Variants in KLHL1 observed in about 807,000 individuals in gnomAD.
KLHL1 encodes the protein kelch-like protein 1.
Under a neutral mutation model 77.7 loss-of-function variants are expected in KLHL1, and 47 were observed. The observed-to-expected ratio is 0.60, with a 90% CI of 0.48 to 0.77. The LOEUF (loss-of-function observed/expected upper bound fraction) is 0.77, where lower values mean the gene tolerates loss of function less well. Among genes scored for constraint, KLHL1 ranks in the 30% least tolerant of loss-of-function variants. KLHL1 has a pLI of 0.00. For synonymous variants in KLHL1, 360 were observed against 325.2 expected (o/e 1.11, Z -1.15); for missense variants, 925 against 910.8 (o/e 1.02, Z -0.20).
chr13:69,728,122 G>A (rs149104460), intron 8 of KLHL1, among the ~76,000 whole-genome samples: 177 of 151,338 alleles, frequency 1.2e-3, no homozygotes, highest in African/African-American at 4.0e-3. Context: ...TCAGTAAACA[G>A]CAATTTCTTT....
chr13:69,998,277 A>G (rs1885205634), intron 1 of KLHL1, among the ~76,000 whole-genome samples: 2 of 152,182 alleles, frequency 1.3e-5, no homozygotes, highest in South Asian at 4.1e-4. Context: ...AGTAGTAGAA[A>G]TATTAATGAC....
chr13:69,816,973 TAAATAAATAA>T (rs1442394379), intron 6 of KLHL1, among the ~76,000 whole-genome samples: 2 of 151,248 alleles, frequency 1.3e-5, no homozygotes, highest in Non-Finnish European at 3.0e-5. Flanking sequence ...AGTAAAAAAA[TAAATAAATAA>T]AAATAAATAT....
intron 5 of KLHL1, among the ~76,000 whole-genome samples, chr13:69,850,632 C>T (rs576036404): frequency 2.6e-5 from 4 of 151,810 alleles, no homozygotes; most frequent in African/African-American, 9.6e-5. Flanking sequence ...AGATCCATCA[C>T]TTAAATTCTT....
At chr13:69,855,323 GAT>G (rs1879849743) in intron 5 of KLHL1, among the ~76,000 whole-genome samples, 1 of 131,018 alleles carries the variant, frequency 7.6e-6, no homozygotes, top group African/African-American at 3.1e-5. Context: ...TAGATAGATA[GAT>G]AGATAGATAG....
chr13:70,059,283 C>G (rs1381531724), intron 1 of KLHL1, among the ~76,000 whole-genome samples: 1 of 151,978 alleles, frequency 6.6e-6, no homozygotes, highest in Non-Finnish European at 1.5e-5. Context: ...CTCAGACTCC[C>G]AAGTATCTAG....
At chr13:69,778,479 A>G (rs973238378) in intron 7 of KLHL1, among the ~76,000 whole-genome samples, 13 of 151,582 alleles carry the variant, frequency 8.6e-5, no homozygotes, top group African/African-American at 3.2e-4. Flanking sequence ...TCTTAACATC[A>G]TTGCCGAATA....
In KLHL1 at chr13:69,707,593, C is replaced by T. The variant is rs969681059; in HGVS notation, c.2187+32G>A. 2.5e-6 allele frequency: 4 copies of T among 1,579,834 alleles called. No homozygotes were observed. In the African/African-American group the frequency reaches 4.0e-5, roughly 16 times the overall value. ...AAAGTAAATGAAATAAATTCTTATC[C>T]TTGAAGTGAATTATGCTGATGACAA... On this transcript the variant is annotated intron_variant, in intron 10 of 10. Transcript: ENST00000377844.
intron 4 of KLHL1, among the ~76,000 whole-genome samples, chr13:69,917,962 A>C (rs1012658949): frequency 6.6e-6 from 1 of 152,120 alleles, no homozygotes; most frequent in Non-Finnish European, 1.5e-5. Flanking sequence ...GTATTCATAC[A>C]TGTACTCCAC....
chr13:69,747,586 A>G (rs951930451), intron 7 of KLHL1, among the ~76,000 whole-genome samples: 3 of 152,022 alleles, frequency 2.0e-5, no homozygotes, highest in African/African-American at 7.2e-5. Flanking sequence ...GGGACAATAT[A>G]AAAAGGAAAT....
intron 5 of KLHL1, among the ~76,000 whole-genome samples, chr13:69,857,240 T>G (rs2138144483): frequency 6.6e-6 from 1 of 152,116 alleles, no homozygotes; most frequent in Admixed American, 6.6e-5. Flanking sequence ...CCTTCCTGAG[T>G]CCCTGACAAA....
intron 10 of KLHL1, among the ~76,000 whole-genome samples, chr13:69,703,408 A>G (rs1026080672): frequency 6.6e-6 from 1 of 151,340 alleles, no homozygotes; most frequent in Admixed American, 6.6e-5. Flanking sequence ...TATTACTATA[A>G]AAGAGTCAAA....
intron 6 of KLHL1, among the ~76,000 whole-genome samples, chr13:69,814,530 A>C (rs979196213): frequency 6.6e-6 from 1 of 152,190 alleles, no homozygotes; most frequent in South Asian, 2.1e-4. Flanking sequence ...CAGAATCTTT[A>C]AGACACTTAA....
At chr13:69,915,712 G>A (rs538340601) in intron 4 of KLHL1, among the ~76,000 whole-genome samples, 104 of 152,086 alleles carry the variant, frequency 6.8e-4, no homozygotes, top group Non-Finnish European at 1.3e-3. Context: ...AACACCAAAA[G>A]CAATGGCAAC....
chr13:69,883,156 T>C (rs1881064554), intron 4 of KLHL1, among the ~76,000 whole-genome samples: 1 of 152,188 alleles, frequency 6.6e-6, no homozygotes, highest in Non-Finnish European at 1.5e-5. Context: ...TCCTCTATCA[T>C]GATGACAGAA....
At chr13:69,791,688 G>A (rs1276811934) in intron 7 of KLHL1, among the ~76,000 whole-genome samples, 1 of 152,060 alleles carries the variant, frequency 6.6e-6, no homozygotes, top group East Asian at 1.9e-4. Context: ...GGGAAAGAAA[G>A]GTCTTTTCAA....
At chr13:69,967,567 T>C (rs1246716311) in intron 2 of KLHL1, among the ~76,000 whole-genome samples, 3 of 152,194 alleles carry the variant, frequency 2.0e-5, no homozygotes, top group Non-Finnish European at 2.9e-5. Context: ...GTGAAGATCA[T>C]TGAAATGACA....
At chr13:69,896,441 C>G (rs150661896) in intron 4 of KLHL1, among the ~76,000 whole-genome samples, 2 of 151,984 alleles carry the variant, frequency 1.3e-5, no homozygotes, top group African/African-American at 4.8e-5. Context: ...CCTTGGCAGA[C>G]GGGAGAATCT....
intron 4 of KLHL1, among the ~76,000 whole-genome samples, chr13:69,891,717 A>G (rs1881430135): frequency 1.3e-5 from 2 of 152,074 alleles, no homozygotes; most frequent in South Asian, 4.1e-4. Context: ...TTAGAAAAAA[A>G]TAATATTTAA....
At chr13:69,813,126 A>G (rs1224616347) in intron 6 of KLHL1, among the ~76,000 whole-genome samples, 1 of 152,124 alleles carries the variant, frequency 6.6e-6, no homozygotes, top group East Asian at 1.9e-4. Context: ...CATATACACC[A>G]TGGAATACTA....
Sources: gnomAD v4.1 joint callset for allele counts (sites outside exome capture counted in the v4.1 genomes callset) on GRCh38, gnomAD v4.1.1 for gene constraint, MANE v1.5 for transcripts, NCBI Gene and HGNC (gene_info 2026-07-23, HGNC 2026-07-21) for gene names.